Variants in TTLL3 observed in about 807,000 individuals in gnomAD.
TTLL3 encodes tubulin monoglycylase TTLL3.
A neutral mutation model predicts 75.2 loss-of-function variants in TTLL3; 63 were observed. That is an observed-to-expected ratio of 0.84 (90% CI 0.68 to 1.03). The LOEUF (loss-of-function observed/expected upper bound fraction) is 1.03. TTLL3 is among the 50% of genes least tolerant of loss of function. The pLI is 0.00. For synonymous variants in TTLL3, 393 were observed against 418.5 expected (o/e 0.94, Z 0.74); for missense variants, 997 against 1,069.9 (o/e 0.93, Z 0.95).
rs201426371 is a variant in TTLL3, at chr3:9,829,032, G to C, written c.1320G>C (p.Pro440=). 171 of 1,614,092 alleles carry C rather than the reference G, an allele frequency of 1.1e-4. No homozygotes were observed. Among genetic ancestry groups the C allele is most frequent in the Middle Eastern group, 1.6e-4 (1 of 6,084 alleles). The change falls in exon 11 of 14, where the codon CCG becomes CCC. Residue 440 remains proline (P), a synonymous_variant. Coordinates refer to ENST00000685419, the MANE Select transcript of TTLL3 (RefSeq NM_001387446.1). ...ENSCHRHPLL[P]PDNMWSSQRF... is the part of the protein sequence containing the mutation. ...CATGCCATCGGCATCCACTGCTTCC[G>C]CCAGACAACATGTGGTCTAGCCAGA...
intron 8 of TTLL3, among the ~76,000 whole-genome samples, chr3:9,822,614 C>A (rs1468091491): frequency 6.6e-6 from 1 of 151,474 alleles, no homozygotes; most frequent in East Asian, 1.9e-4. Flanking sequence ...ACCTCTGCCT[C>A]CCAGGCTCAA....
At chr3:9,810,088 C>G (rs2079200630), upstream of TTLL3, 1 of 1,404,764 alleles carries the variant, frequency 7.1e-7, no homozygotes, top group Non-Finnish European at 9.2e-7. This position sits in a 1 kb window ranked among gnomAD's most constrained non-coding sequence, Gnocchi z 4.4. Flanking sequence ...CTGGTACCGC[C>G]AGGAGGGCGG....
chr3:9,830,359 A>G (rs1293057284), intron 11 of TTLL3, among the ~76,000 whole-genome samples: 2 of 152,180 alleles, frequency 1.3e-5, no homozygotes, highest in Non-Finnish European at 2.9e-5. Context: ...CTACTTGTAA[A>G]ATAGAACAGC....
At position 9,825,792 on chromosome 3, in the gene TTLL3, C is replaced by T. The variant is rs1397631113; in HGVS notation, c.855-8C>T. On this transcript the variant is annotated splice_region_variant and splice_polypyrimidine_tract_variant and intron_variant, in intron 8 of 13. Coordinates refer to ENST00000685419, the MANE Select transcript of TTLL3 (RefSeq NM_001387446.1). ...CAGCCCTGCCCAAGTTCTATCATTT[C>T]CCCACAGCGAAGGGGCAGAACTCAG... 5 of 1,613,978 alleles carry T rather than the reference C, an allele frequency of 3.1e-6. No individual in the cohort carries two copies. The African/African-American group carries it at 4.0e-5, about 13-fold the overall frequency.
At chr3:9,824,480 G>C (rs999956294) in intron 8 of TTLL3, among the ~76,000 whole-genome samples, 2 of 152,156 alleles carry the variant, frequency 1.3e-5, no homozygotes, top group Non-Finnish European at 2.9e-5. Flanking sequence ...GCGCGATCTC[G>C]GCTCACTACA....
chr3:9,814,813 A>G (rs1437809490), intron 4 of TTLL3, among the ~76,000 whole-genome samples: 1 of 151,922 alleles, frequency 6.6e-6, no homozygotes, highest in African/African-American at 2.4e-5. Context: ...AGAACAAGCG[A>G]TAACTCCATC....
chr3:9,829,681 A>C (rs916395329), intron 11 of TTLL3, among the ~76,000 whole-genome samples: 3 of 152,176 alleles, frequency 2.0e-5, no homozygotes, highest in Non-Finnish European at 4.4e-5. Context: ...AGATTCTGGA[A>C]TCTCCTTGGG....
At chr3:9,831,328 G>T (rs941447535) in intron 11 of TTLL3, among the ~76,000 whole-genome samples, 1 of 152,088 alleles carries the variant, frequency 6.6e-6, no homozygotes, top group African/African-American at 2.4e-5. Flanking sequence ...GATTTACCTT[G>T]GTCTTCTGTT....
Position 9,835,257 on chromosome 3 carries a change from G to A in TTLL3, c.2216G>A (p.Arg739Lys), listed in dbSNP as rs753014901. The A allele has an allele frequency of 1.2e-6, 2 of 1,614,196 alleles. No individual in the cohort carries two copies. The highest frequency in any genetic ancestry group is 1.7e-6 in the Non-Finnish European group (2 of 1,180,020). Reference protein sequence around the residue: ...KPRAEACPMKRLSPLKPLPLV... With the variant: ...KPRAEACPMKKLSPLKPLPLV... ...AGGGCTGAGGCCTGCCCCATGAAGA[G>A]GCTGAGCCCCCTGAAACCCCTGCCC... The change falls in exon 14 of 14, where the codon AGG (arginine) becomes AAG (lysine). Residue 739 changes from arginine (R) to lysine (K), a missense_variant. By Grantham distance (26) the Arg-to-Lys change is conservative (BLOSUM62 2). Transcript: ENST00000685419.
chr3:9,832,957 G>A (rs1039708805), intron 11 of TTLL3, 147 bp from the exon 12 acceptor site: 9 of 920,726 alleles, frequency 9.8e-6, no homozygotes, highest in Non-Finnish European at 1.5e-5. Flanking sequence ...TGACTCAGAG[G>A]TGGGCTTTCC....
intron 5 of TTLL3, 105 bp from the exon 6 acceptor site, chr3:9,817,540 G>T (rs1185312469): frequency 5.0e-6 from 8 of 1,589,606 alleles, no homozygotes; most frequent in East Asian, 4.5e-5. Context: ...TTGCAAGCGG[G>T]GCCAAGGCTC....
chr3:9,815,301 T>C (rs1185489224), intron 4 of TTLL3, among the ~76,000 whole-genome samples: 2 of 151,974 alleles, frequency 1.3e-5, no homozygotes, highest in Non-Finnish European at 2.9e-5. Context: ...CAGCTTCATA[T>C]GGGTCAATCT....
At chr3:9,833,352 C>T in intron 12 of TTLL3, 107 bp downstream of exon 12, 1 of 1,533,276 alleles carries the variant, frequency 6.5e-7, no homozygotes, top group Non-Finnish European at 8.8e-7. Context: ...CCACTTCAGC[C>T]CCCGGAAAGG....
chr3:9,833,304 G>T (rs994902636), intron 12 of TTLL3, 59 bp downstream of exon 12: 1 of 1,596,548 alleles, frequency 6.3e-7, no homozygotes, highest in Non-Finnish European at 8.5e-7. Context: ...CTGGGGCCAG[G>T]AGCCTGGGGC....
Position 9,835,588 on chromosome 3 carries a change from A to C in TTLL3, c.*99A>C, listed in dbSNP as rs1224184823. 1 of 1,201,614 alleles carries C rather than the reference A, an allele frequency of 8.3e-7. No homozygotes were observed. Among genetic ancestry groups the C allele is most frequent in the Non-Finnish European group, 1.2e-6 (1 of 866,910 alleles). 74.4% of individuals were successfully genotyped at this position (1,201,614 alleles called of 1,614,324 possible). ...GGGACTCCCCCAGCATCTCCGATCC[A>C]GGGGTGGGGAGCGTGAGCCTTCACT... On this transcript the variant is annotated 3_prime_UTR_variant, in exon 14 of 14. Coordinates refer to ENST00000685419, the MANE Select transcript of TTLL3 (RefSeq NM_001387446.1).
intron 11 of TTLL3, among the ~76,000 whole-genome samples, chr3:9,832,022 C>G (rs964219675): frequency 6.7e-6 from 1 of 150,252 alleles, no homozygotes; most frequent in African/African-American, 2.5e-5. Context: ...AATTCCTGAC[C>G]TCAGCTGATC....
chr3:9,814,507 G>C (rs1474024327), intron 4 of TTLL3, among the ~76,000 whole-genome samples: 2 of 151,860 alleles, frequency 1.3e-5, no homozygotes, highest in Non-Finnish European at 2.9e-5. Context: ...AATTAGCTGG[G>C]TGTAGTGGTG....
rs770083603 is a variant in TTLL3, at chr3:9,817,653, A to C, written c.453A>C (p.Leu151=). The C allele has an allele frequency of 1.9e-6, 3 of 1,614,054 alleles. No individual in the cohort carries two copies. The highest frequency in any genetic ancestry group is 2.2e-5 in the South Asian group (2 of 91,076). Residue 151 remains leucine (L), a synonymous_variant, in exon 6 of 14, where the codon CTA becomes CTC. Transcript: ENST00000685419. ...RAGSFTTKVG[L]CLNLRNLPWF... ...AGTGGCTAACTCCGTAGGTGGGTCT[A>C]TGTCTCAATCTCCGGAATTTGCCGT...
Position 9,835,743 on chromosome 3 carries a change from C to A in TTLL3, c.*254C>A. The A allele has an allele frequency of 2.1e-6, 1 of 470,328 alleles. No individual in the cohort carries two copies. The highest frequency in any genetic ancestry group is 4.1e-5 in the South Asian group (1 of 24,638). 29.1% of individuals were successfully genotyped at this position (470,328 alleles called of 1,614,324 possible). A position where few individuals can be genotyped will look rare whatever the true frequency, so the allele number is the denominator to read the frequency against. On this transcript the variant is annotated 3_prime_UTR_variant, in exon 14 of 14. Coordinates refer to ENST00000685419, the MANE Select transcript of TTLL3 (RefSeq NM_001387446.1). ...GAGCCCCCCAACCCCAGAGAACAAG[C>A]CAAGCTAGCAGAATGACACCTACCG... is the stretch of plus-strand genomic sequence containing the variant.
Sources: gnomAD v4.1 joint callset for allele counts (sites outside exome capture counted in the v4.1 genomes callset) on GRCh38, gnomAD v4.1.1 for gene constraint, Gnocchi (gnomAD v3.1) non-coding constraint, MANE v1.5 for transcripts, NCBI Gene and HGNC (gene_info 2026-07-23, HGNC 2026-07-21) for gene names.